Variants in NXPE2 observed in about 807,000 individuals in gnomAD.
NXPE2 encodes NXPE family member 2.
Under a neutral mutation model 34.4 loss-of-function variants are expected in NXPE2, and 34 were observed. The observed-to-expected ratio is 0.99, with a 90% CI of 0.75 to 1.31. The LOEUF (loss-of-function observed/expected upper bound fraction) is 1.31, where lower values mean the gene tolerates loss of function less well. NXPE2 is among the 40% of genes most tolerant of loss of function. NXPE2 has a pLI of 0.00. For missense variants in NXPE2, 649 were observed against 672.5 expected (o/e 0.97, Z 0.39); for synonymous variants, 235 against 231.3 (o/e 1.02, Z -0.15).
the NXPE2 span, among the ~76,000 whole-genome samples, chr11:114,580,846 G>A: frequency 6.6e-6 from 1 of 152,168 alleles, no homozygotes; most frequent in South Asian, 2.1e-4. Context: ...GCTGGAGAGT[G>A]TCTTAGAGGT....
the NXPE2 span, among the ~76,000 whole-genome samples, chr11:114,619,061 T>C: frequency 8.6e-5 from 13 of 151,276 alleles, no homozygotes; most frequent in Admixed American, 6.6e-4. Flanking sequence ...CACTGTTACC[T>C]GGTGGATAAT....
the NXPE2 span, among the ~76,000 whole-genome samples, chr11:114,792,180 C>T: frequency 2.3e-3 from 352 of 152,272 alleles, 6 homozygotes; most frequent in Admixed American, 0.02. Context: ...GTGCCTTTGG[C>T]AGATTTAAAA....
chr11:114,737,432 AATT>A, the NXPE2 span, among the ~76,000 whole-genome samples: 1 of 152,192 alleles, frequency 6.6e-6, no homozygotes, highest in Non-Finnish European at 1.5e-5. Context: ...CAAAGATTAA[AATT>A]ATAACAATAA....
chr11:114,534,441 C>T, the NXPE2 span, among the ~76,000 whole-genome samples: 2 of 152,188 alleles, frequency 1.3e-5, no homozygotes, highest in African/African-American at 2.4e-5. Flanking sequence ...CGGAGAATGA[C>T]TTTGACGAGT....
chr11:114,545,910 C>G, the NXPE2 span, among the ~76,000 whole-genome samples: 1 of 151,826 alleles, frequency 6.6e-6, no homozygotes, highest in Non-Finnish European at 1.5e-5. Flanking sequence ...AGGATGGTCT[C>G]GATAGCTTGA....
chr11:114,731,571 G>A, the NXPE2 span, among the ~76,000 whole-genome samples: 1 of 152,144 alleles, frequency 6.6e-6, no homozygotes, highest in Non-Finnish European at 1.5e-5. Flanking sequence ...TGATACACAG[G>A]ACTTGAATAA....
the NXPE2 span, among the ~76,000 whole-genome samples, chr11:114,720,730 A>T: frequency 6.6e-6 from 1 of 152,236 alleles, no homozygotes; most frequent in Non-Finnish European, 1.5e-5. Flanking sequence ...TGTTATCAAA[A>T]TTAATTTATT....
the NXPE2 span, among the ~76,000 whole-genome samples, chr11:114,599,901 T>C: frequency 3.9e-5 from 6 of 152,000 alleles, no homozygotes; most frequent in African/African-American, 1.2e-4. Context: ...ATCCAAACCA[T>C]ATCAGAATAT....
At chr11:114,537,632 C>T in the NXPE2 span, among the ~76,000 whole-genome samples, 2 of 152,136 alleles carry the variant, frequency 1.3e-5, no homozygotes, top group African/African-American at 4.8e-5. Context: ...TCTTATACAC[C>T]AGTAACAGAC....
chr11:114,741,198 G>T, the NXPE2 span, among the ~76,000 whole-genome samples: 1 of 150,632 alleles, frequency 6.6e-6, no homozygotes, highest in Non-Finnish European at 1.5e-5. Flanking sequence ...TGCTGATATG[G>T]TTATGGGGAA....
chr11:114,611,280 C>T, the NXPE2 span, among the ~76,000 whole-genome samples: 7 of 142,854 alleles, frequency 4.9e-5, no homozygotes, highest in East Asian at 1.5e-3. Flanking sequence ...GTTACCCTGT[C>T]GATAATAAGT....
At chr11:114,648,673 T>C in the NXPE2 span, among the ~76,000 whole-genome samples, 1 of 152,160 alleles carries the variant, frequency 6.6e-6, no homozygotes, top group Non-Finnish European at 1.5e-5. Context: ...TCATACTTAA[T>C]CTCCAAATGA....
chr11:114,601,736 T>C, the NXPE2 span, among the ~76,000 whole-genome samples: 1 of 72,996 alleles, frequency 1.4e-5, no homozygotes, highest in Non-Finnish European at 2.3e-5. Context: ...ATATATTATA[T>C]ATAATTATAA....
At chr11:114,512,529 G>A in the NXPE2 span, among the ~76,000 whole-genome samples, 2 of 152,096 alleles carry the variant, frequency 1.3e-5, no homozygotes, top group Non-Finnish European at 2.9e-5. Flanking sequence ...CGCGACAGTC[G>A]GGAGCCATCC....
the NXPE2 span, among the ~76,000 whole-genome samples, chr11:114,756,013 T>C: frequency 6.6e-6 from 1 of 152,208 alleles, no homozygotes; most frequent in Non-Finnish European, 1.5e-5. Flanking sequence ...AGTCTTAGTG[T>C]CCATCACATT....
the NXPE2 span, among the ~76,000 whole-genome samples, chr11:114,740,865 G>A: frequency 7.2e-5 from 11 of 152,172 alleles, no homozygotes; most frequent in Non-Finnish European, 1.3e-4. Context: ...GGGTGCATAT[G>A]TATGTAGAAT....
the NXPE2 span, among the ~76,000 whole-genome samples, chr11:114,490,425 G>A: frequency 6.6e-6 from 1 of 152,150 alleles, no homozygotes; most frequent in Non-Finnish European, 1.5e-5. Context: ...CAAAGCTGGA[G>A]GCATCACGCT....
the NXPE2 span, chr11:114,559,757 A>T: frequency 6.6e-6 from 1 of 152,314 alleles, no homozygotes; most frequent in Admixed American, 6.6e-5. Flanking sequence ...TGGCAAGATT[A>T]GAAATAGAGA....
chr11:114,598,141 C>A, the NXPE2 span, among the ~76,000 whole-genome samples: 2 of 152,198 alleles, frequency 1.3e-5, no homozygotes, highest in Admixed American at 1.3e-4. Flanking sequence ...AAAGCAGCTA[C>A]AGGCTTCATG....
Sources: gnomAD v4.1 joint callset for allele counts (sites outside exome capture counted in the v4.1 genomes callset) on GRCh38, gnomAD v4.1.1 for gene constraint, MANE v1.5 for transcripts, NCBI Gene and HGNC (gene_info 2026-07-23, HGNC 2026-07-21) for gene names.